FRMD4A: variants seen among roughly 807,000 people sequenced by gnomAD.
The protein encoded by FRMD4A is FERM domain containing 4A.
Under a neutral mutation model 129.1 loss-of-function variants are expected in FRMD4A, and 29 were observed. The ratio of observed to expected loss-of-function variants is 0.22; its 90% CI spans 0.17 to 0.31. The LOEUF is 0.31. FRMD4A is among the 10% of genes least tolerant of loss of function. The probability of loss-of-function intolerance (pLI) is 1.00; values close to 1 mark genes in which losing one functional copy is unlikely to be tolerated. For synonymous variants in FRMD4A, 634 were observed against 571.6 expected (o/e 1.11, Z -1.56); for missense variants, 1,272 against 1,375.8 (o/e 0.92, Z 1.19).
intron 2 of FRMD4A, among the ~76,000 whole-genome samples, chr10:14,310,280 T>C (rs923838436): frequency 6.6e-6 from 1 of 152,216 alleles, no homozygotes; most frequent in Admixed American, 6.5e-5. Flanking sequence ...ACTCCCTGAA[T>C]GAAGGAGCTC....
chr10:14,119,484 C>G (rs1326999), intron 2 of FRMD4A, among the ~76,000 whole-genome samples: 26,454 of 152,100 alleles, frequency 0.17, 2,319 homozygotes, highest in Non-Finnish European at 0.2. Flanking sequence ...GCCTGGGCTG[C>G]TGATGGTGAT....
At chr10:13,975,928 T>G (rs79966832) in intron 2 of FRMD4A, among the ~76,000 whole-genome samples, 4,910 of 152,288 alleles carry the variant, frequency 0.032, 298 homozygotes, top group African/African-American at 0.11. Context: ...TTCATCACTT[T>G]CCTTATTCTT....
intron 3 of FRMD4A, among the ~76,000 whole-genome samples, chr10:13,828,231 G>C (rs1214041110): frequency 6.6e-6 from 1 of 152,152 alleles, no homozygotes; most frequent in African/African-American, 2.4e-5. Context: ...ATACTATGCA[G>C]TGGCAAAGTC....
chr10:13,854,944 C>T (rs986138297), intron 3 of FRMD4A, among the ~76,000 whole-genome samples: 1 of 152,166 alleles, frequency 6.6e-6, no homozygotes, highest in African/African-American at 2.4e-5. Context: ...AAGGAGCTAC[C>T]TGGTAAAGAC....
chr10:14,109,501 A>G (rs1037979966), intron 2 of FRMD4A, among the ~76,000 whole-genome samples: 1 of 152,188 alleles, frequency 6.6e-6, no homozygotes, highest in African/African-American at 2.4e-5. Flanking sequence ...GAGTGTCCCA[A>G]TTGCTGTCAT....
intron 4 of FRMD4A, among the ~76,000 whole-genome samples, chr10:13,800,169 G>A (rs920577836): frequency 3.3e-5 from 5 of 152,110 alleles, no homozygotes; most frequent in African/African-American, 1.2e-4. Flanking sequence ...GTGACAGAGC[G>A]AGACTCCATC....
chr10:14,252,363 T>A lies in FRMD4A; in HGVS notation c.45+77695A>T, dbSNP rs1564418622. Among the ~76,000 whole-genome samples, 6 of 152,366 alleles carry A rather than the reference T, an allele frequency of 3.9e-5. No individual in the cohort carries two copies. The South Asian group carries it at 1.2e-3, about 32-fold the overall frequency. ...TTGCCAATTGGACAAAAGGACATTA[T>A]TAAGAATGTTCTTTACAGGAAAAGA... is the stretch of plus-strand genomic sequence containing the variant. On this transcript the variant is annotated intron_variant, in intron 2 of 24. Coordinates refer to ENST00000357447, the MANE Select transcript of FRMD4A (RefSeq NM_018027.5).
rs1564591075 is a variant in FRMD4A at position 13,679,460 on chromosome 10, A to AATATAT, written c.1118-4422_1118-4417dup. ...AAAAAAAAAAAAAAAAAAAAAAAAA[A>AATATAT]ATATATATATATATACACACACACA... On this transcript the variant is annotated intron_variant, in intron 15 of 24. Coordinates refer to ENST00000357447, the MANE Select transcript of FRMD4A (RefSeq NM_018027.5). Among the ~76,000 whole-genome samples, 121 of 27,504 alleles carry AATATAT rather than the reference A, an allele frequency of 4.4e-3. 4 individuals are homozygous for AATATAT. Among genetic ancestry groups the AATATAT allele is most frequent in the African/African-American group, 0.012 (63 of 5,360 alleles). The allele number at this position is 27,504 out of a possible 152,430, so 18.0% of individuals were successfully genotyped here. A position where few individuals can be genotyped will look rare whatever the true frequency, so the allele number is the denominator to read the frequency against.
chr10:13,669,375 AGC>A (rs2083331079), intron 17 of FRMD4A, among the ~76,000 whole-genome samples: 1 of 152,094 alleles, frequency 6.6e-6, no homozygotes, highest in African/African-American at 2.4e-5. Context: ...CGGCCACATG[AGC>A]TTTAGTTTTA....
intron 2 of FRMD4A, among the ~76,000 whole-genome samples, chr10:14,036,901 C>A (rs942736901): frequency 6.6e-6 from 1 of 152,184 alleles, no homozygotes; most frequent in Non-Finnish European, 1.5e-5. Context: ...CAACCCAATT[C>A]TTACCCTCAA....
At chr10:13,898,458 C>T (rs1287366584) in intron 2 of FRMD4A, among the ~76,000 whole-genome samples, 1 of 152,198 alleles carries the variant, frequency 6.6e-6, no homozygotes, top group African/African-American at 2.4e-5. Flanking sequence ...GATGCAAATT[C>T]TTGCCATCCC....
intron 2 of FRMD4A, among the ~76,000 whole-genome samples, chr10:14,142,580 G>T (rs886295968): frequency 1.3e-5 from 2 of 152,212 alleles, no homozygotes; most frequent in Non-Finnish European, 2.9e-5. Context: ...GCTAACGTTT[G>T]AATCACTATT....
At position 13,817,207 on chromosome 10, in the gene FRMD4A, G is replaced by T. The variant is rs532402800; in HGVS notation, c.112-6299C>A. Among the ~76,000 whole-genome samples the T allele has an allele frequency of 8.5e-5, 13 of 152,302 alleles. 1 individual carries two copies. In the East Asian group the frequency reaches 1.9e-3, roughly 23 times the overall value. ...GGCTTCAGCCATGTGCTTTAGCAAG[G>T]AAAGGAAAGCACTGGTTCTAAATAC... On this transcript the variant is annotated intron_variant, in intron 3 of 24. Coordinates refer to ENST00000357447, the MANE Select transcript of FRMD4A (RefSeq NM_018027.5).
intron 8 of FRMD4A, among the ~76,000 whole-genome samples, chr10:13,749,706 AG>A (rs906749846): frequency 1.3e-5 from 2 of 152,120 alleles, no homozygotes; most frequent in African/African-American, 4.8e-5. Context: ...AGAAAGAATG[AG>A]GCCAGGCGTG....
chr10:14,187,959 A>G (rs1034771793), intron 2 of FRMD4A, among the ~76,000 whole-genome samples: 7 of 152,248 alleles, frequency 4.6e-5, no homozygotes, highest in African/African-American at 1.2e-4. Context: ...CAGCTCCCAC[A>G]ATACAATTTT....
Position 14,198,307 on chromosome 10 carries a change from T to C in FRMD4A, c.45+131751A>G, listed in dbSNP as rs77142889. ...GGATGTTCCCGCCCACATGACCTCA[T>C]TGGGACATCGGGCTGGAGAGACCTG... is the stretch of plus-strand genomic sequence containing the variant. On this transcript the variant is annotated intron_variant, in intron 2 of 24. Coordinates refer to ENST00000357447, the MANE Select transcript of FRMD4A (RefSeq NM_018027.5). Among the ~76,000 whole-genome samples, 1,446 of 152,254 alleles carry C rather than the reference T, an allele frequency of 9.5e-3. 24 individuals are homozygous for C. The highest frequency in any genetic ancestry group is 0.034 in the African/African-American group (1,392 of 41,542).
intron 2 of FRMD4A, among the ~76,000 whole-genome samples, chr10:13,860,700 T>TA (rs1173459717): frequency 1.3e-5 from 2 of 152,180 alleles, no homozygotes; most frequent in Non-Finnish European, 2.9e-5. Flanking sequence ...CAAGGAAAGA[T>TA]AAAAAAGACA....
At chr10:14,054,405 T>G (rs558946950) in intron 2 of FRMD4A, among the ~76,000 whole-genome samples, 2 of 152,270 alleles carry the variant, frequency 1.3e-5, no homozygotes, top group South Asian at 2.1e-4. Context: ...GACTCTGTCC[T>G]AAGAGTCCAC....
At chr10:14,285,768 T>C (rs1845661788) in intron 2 of FRMD4A, among the ~76,000 whole-genome samples, 1 of 152,244 alleles carries the variant, frequency 6.6e-6, no homozygotes, top group Non-Finnish European at 1.5e-5. Flanking sequence ...CCTTTCACTT[T>C]TTCCACTGAA....
Sources: gnomAD v4.1 joint callset for allele counts (sites outside exome capture counted in the v4.1 genomes callset) on GRCh38, gnomAD v4.1.1 for gene constraint, MANE v1.5 for transcripts, NCBI Gene and HGNC (gene_info 2026-07-23, HGNC 2026-07-21) for gene names.